MICAL3: variants seen among roughly 807,000 people sequenced by gnomAD.
The protein encoded by MICAL3 is [F-actin]-monooxygenase MICAL3.
A neutral mutation model predicts 207.4 loss-of-function variants in MICAL3; 62 were observed. That is an observed-to-expected ratio of 0.30 (90% CI 0.24 to 0.37). The LOEUF is 0.37. Among genes scored for constraint, MICAL3 ranks in the 10% least tolerant of loss-of-function variants. The probability of loss-of-function intolerance (pLI) is 1.00; values close to 1 mark genes in which losing one functional copy is unlikely to be tolerated. For synonymous variants in MICAL3, 1,077 were observed against 1,069.3 expected (o/e 1.01, Z -0.14); for missense variants, 2,368 against 2,635.6 (o/e 0.90, Z 2.22).
intron 19 of MICAL3, among the ~76,000 whole-genome samples, chr22:17,853,511 A>G (rs1602059165): frequency 6.6e-6 from 1 of 152,274 alleles, no homozygotes; most frequent in Non-Finnish European, 1.5e-5. Flanking sequence ...ATCCTTGCCA[A>G]TGACAATCAC....
intron 28 of MICAL3, among the ~76,000 whole-genome samples, chr22:17,810,283 T>G (rs537394550): frequency 6.6e-6 from 1 of 152,096 alleles, no homozygotes; most frequent in East Asian, 1.9e-4. Flanking sequence ...CAGGATGGTC[T>G]CAATCTCCTG....
intron 1 of MICAL3, among the ~76,000 whole-genome samples, chr22:17,962,641 G>A (rs1415834906): frequency 6.7e-6 from 1 of 149,652 alleles, no homozygotes; most frequent in East Asian, 1.9e-4. Flanking sequence ...AAAATTATTC[G>A]ACAAATTTGG....
intron 1 of MICAL3, among the ~76,000 whole-genome samples, chr22:17,956,222 G>A (rs1352530936): frequency 6.6e-6 from 1 of 152,224 alleles, no homozygotes. Flanking sequence ...GCCCCACAGT[G>A]CTAAGCCATG....
At position 17,790,895 on chromosome 22, in the gene MICAL3, T is replaced by C; in HGVS notation, c.5846A>G (p.Glu1949Gly). 1 of 1,613,780 alleles carries C rather than the reference T, an allele frequency of 6.2e-7. No individual in the cohort carries two copies. The highest frequency in any genetic ancestry group is 8.5e-7 in the Non-Finnish European group (1 of 1,179,888). Residue 1949 changes from glutamate (E) to glycine (G), a missense_variant, in exon 32 of 32, where the codon GAG becomes GGG. Physicochemically the swap from Glu to Gly is moderately conservative, Grantham distance 98. This residue lies in a region of MICAL3 where 1,770 missense variants were observed against 1,863.2 expected (regional missense o/e 0.95). Coordinates refer to ENST00000441493, the MANE Select transcript of MICAL3 (RefSeq NM_015241.3). ...AVEDHLKTEE[E>G]LSEEKQILNE... ...GAGAATCTGCTTCTCTTCTGACAGC[T>C]CCTCCTCAGTCTTAAGGTGATCTTG...
At chr22:17,935,159 C>A (rs1035350740) in intron 1 of MICAL3, among the ~76,000 whole-genome samples, 7 of 152,110 alleles carry the variant, frequency 4.6e-5, no homozygotes, top group Admixed American at 4.6e-4. Flanking sequence ...GGAGGGATCA[C>A]GCTATCTGAC....
chr22:17,901,855 G>C (rs780439521), intron 5 of MICAL3, 23 bp downstream of exon 5: 4 of 1,570,530 alleles, frequency 2.5e-6, no homozygotes, highest in Non-Finnish European at 3.5e-6. Flanking sequence ...CTATGAGCCA[G>C]GCAGAGGAGC....
intron 1 of MICAL3, among the ~76,000 whole-genome samples, chr22:17,959,840 G>A (rs1302748383): frequency 6.9e-6 from 1 of 145,472 alleles, no homozygotes; most frequent in Non-Finnish European, 1.5e-5. Context: ...ACATGGAAAG[G>A]GTACAGAAAA....
At chr22:17,989,565 C>A (rs1484109356) in intron 1 of MICAL3, among the ~76,000 whole-genome samples, 2 of 152,168 alleles carry the variant, frequency 1.3e-5, no homozygotes, top group Non-Finnish European at 2.9e-5. Context: ...TCACGCTCAA[C>A]CCTGAGCCTG....
chr22:17,848,963 G>A (rs1924928511), intron 19 of MICAL3, among the ~76,000 whole-genome samples: 1 of 152,252 alleles, frequency 6.6e-6, no homozygotes. Context: ...TGGAAAGGAA[G>A]TTTCTAAGCC....
chr22:17,984,004 T>C (rs1936043097), intron 1 of MICAL3, among the ~76,000 whole-genome samples: 1 of 152,278 alleles, frequency 6.6e-6, no homozygotes, highest in Non-Finnish European at 1.5e-5. Context: ...GAAGGGTAAA[T>C]AGGAACTCGT....
chr22:17,964,349 G>A (rs1181284902), intron 1 of MICAL3, among the ~76,000 whole-genome samples: 7 of 152,064 alleles, frequency 4.6e-5, no homozygotes, highest in South Asian at 2.1e-4. Context: ...GCAAAGCCCC[G>A]TCTCCCAGCC....
chr22:17,959,022 T>TTG (rs1934770650), intron 1 of MICAL3, among the ~76,000 whole-genome samples: 1 of 141,478 alleles, frequency 7.1e-6, no homozygotes, highest in Non-Finnish European at 1.5e-5. Flanking sequence ...TTTTTTTTTT[T>TTG]TTTTTTTTTT....
chr22:17,902,363 C>T lies in MICAL3; in HGVS notation c.589+268G>A, dbSNP rs552702211. 3.3e-5 allele frequency among the ~76,000 whole-genome samples: 5 copies of T among 152,310 alleles called. No individual in the cohort carries two copies. Among genetic ancestry groups the T allele is most frequent in the African/African-American group, 1.2e-4 (5 of 41,556 alleles). On this transcript the variant is annotated intron_variant, in intron 4 of 31. Coordinates refer to ENST00000441493, the MANE Select transcript of MICAL3 (RefSeq NM_015241.3). This position sits in a 1 kb window ranked among gnomAD's most constrained non-coding sequence, Gnocchi z 4.5. ...TTGAGCTACCGCACTCCAGGCTAGGCGACAGAGTGAGACTCTCATCTAACA... is the reference window on the plus strand; with the variant it reads ...TTGAGCTACCGCACTCCAGGCTAGGTGACAGAGTGAGACTCTCATCTAACA...
intron 1 of MICAL3, among the ~76,000 whole-genome samples, chr22:17,987,760 T>A (rs1475166689): frequency 6.6e-6 from 1 of 152,002 alleles, no homozygotes; most frequent in Non-Finnish European, 1.5e-5. Flanking sequence ...ACTGAATTAT[T>A]TAGGGTAAAG....
rs755681495 is a variant in MICAL3 at position 17,817,588 on chromosome 22, G to T, written c.5073C>A (p.Gly1691=). The change falls in exon 26 of 32, where the codon GGC becomes GGA. Residue 1691 remains glycine (G), a synonymous_variant. Transcript: ENST00000441493. The part of the protein sequence containing the change: ...GPDGSFTSSE[G]SSGKSKKRSS... ...ACCTCTTCTTGCTCTTCCCACTGGA[G>T]CCCTCGGATGAAGTGAAAGAGCCAT... 5.0e-6 allele frequency: 8 copies of T among 1,613,348 alleles called. No homozygotes were observed. In the East Asian group the frequency reaches 1.8e-4, roughly 36 times the overall value.
intron 1 of MICAL3, among the ~76,000 whole-genome samples, chr22:17,928,383 G>A (rs1602234864): frequency 1.3e-5 from 2 of 151,564 alleles, no homozygotes; most frequent in East Asian, 3.9e-4. Context: ...AGCTTGCAGT[G>A]AGCCAAGATT....
chr22:17,801,917 A>G (rs2061944430), intron 29 of MICAL3, among the ~76,000 whole-genome samples: 1 of 151,570 alleles, frequency 6.6e-6, no homozygotes, highest in African/African-American at 2.4e-5. Flanking sequence ...AAACAACAAC[A>G]ACAACAACAA....
intron 1 of MICAL3, among the ~76,000 whole-genome samples, chr22:17,934,051 G>A (rs1481915043): frequency 2.0e-5 from 3 of 152,154 alleles, no homozygotes; most frequent in Admixed American, 6.5e-5. Flanking sequence ...GGTACAAAGA[G>A]GAACTGGTAC....
At chr22:17,859,722 G>A (rs891021322) in intron 19 of MICAL3, among the ~76,000 whole-genome samples, 6 of 152,140 alleles carry the variant, frequency 3.9e-5, no homozygotes, top group Admixed American at 6.5e-5. Flanking sequence ...AGACAGACAC[G>A]CCCCTGGCCC....
Sources: allele counts gnomAD v4.1 joint callset (sites outside exome capture counted in the v4.1 genomes callset), GRCh38; gene constraint gnomAD v4.1.1; regional missense constraint gnomAD v4.1.1; non-coding constraint Gnocchi (gnomAD v3.1); transcripts MANE v1.5; gene names NCBI Gene and HGNC (gene_info 2026-07-23, HGNC 2026-07-21).